Variants in CASD1 observed in about 807,000 individuals in gnomAD.
CASD1 encodes CAS1 domain sialic acid O acetyltransferase 1, also known as N-acetylneuraminate (7)9-O-acetyltransferase.
A neutral mutation model predicts 100.0 loss-of-function variants in CASD1; 41 were observed. That is an observed-to-expected ratio of 0.41 (90% CI 0.32 to 0.53). CASD1 has a LOEUF of 0.53. Among genes scored for constraint, CASD1 ranks in the 20% least tolerant of loss-of-function variants. The pLI, the probability that CASD1 is intolerant of heterozygous loss-of-function variation, is 0.25. For missense variants in CASD1, 774 were observed against 948.7 expected, an observed-to-expected ratio of 0.82 and a Z score of 2.42; for synonymous variants, 321 against 315.6, an observed-to-expected ratio of 1.02 and a Z score of -0.18.
intron 16 of CASD1, chr7:94,553,092 T>G: frequency 2.3e-6 from 1 of 433,742 alleles, no homozygotes; most frequent in Admixed American, 2.7e-5. Flanking sequence ...TAATAACTCA[T>G]TAAATGGTTT....
chr7:94,579,079 G>A, the CASD1 span, among the ~76,000 whole-genome samples: 71 of 151,704 alleles, frequency 4.7e-4, no homozygotes, highest in African/African-American at 1.7e-3. Flanking sequence ...ACTAGACTTC[G>A]TTCATCTTCC....
the CASD1 span, chr7:94,625,773 T>C: frequency 6.6e-6 from 1 of 152,236 alleles, no homozygotes; most frequent in South Asian, 2.1e-4. Flanking sequence ...AAGATTAATA[T>C]ATTCTCTTGC....
the CASD1 span, chr7:94,623,416 C>A: frequency 6.7e-7 from 1 of 1,497,026 alleles, no homozygotes; most frequent in Non-Finnish European, 9.3e-7. Flanking sequence ...AAAGGAAAAC[C>A]ATATTAAAGA....
chr7:94,616,803 T>C, the CASD1 span: 1 of 152,224 alleles, frequency 6.6e-6, no homozygotes, highest in Non-Finnish European at 1.5e-5. Context: ...AGTGTTTGTA[T>C]ACAGACACAC....
At chr7:94,550,883 C>A (rs537323457) in intron 14 of CASD1, among the ~76,000 whole-genome samples, 41 of 152,206 alleles carry the variant, frequency 2.7e-4, no homozygotes, top group African/African-American at 9.9e-4. Context: ...ACTTTCCGGT[C>A]TACCATATTT....
At chr7:94,511,074 T>G (rs1275868532) in intron 1 of CASD1, among the ~76,000 whole-genome samples, 3 of 152,230 alleles carry the variant, frequency 2.0e-5, no homozygotes, top group Non-Finnish European at 4.4e-5. Flanking sequence ...GATATTTACT[T>G]CTCCTTGCTG....
Position 94,533,221 on chromosome 7 carries a change from C to T in CASD1, c.476C>T (p.Pro159Leu). ...TTCCTTTAGGATTCCATTGCAAAGCCACATGTGATTGTAGCAGGAGCTGCC... is the reference window on the plus strand; with the variant it reads ...TTCCTTTAGGATTCCATTGCAAAGCTACATGTGATTGTAGCAGGAGCTGCC... ...KVWTEDSIAK[P>L]HVIVAGAATW... Residue 159 changes from proline to leucine, a missense_variant, in exon 6 of 18, where the codon CCA (proline) becomes CTA (leucine). Coordinates refer to ENST00000297273, the MANE Select transcript of CASD1 (RefSeq NM_022900.5). 1 of 1,608,442 alleles carries T rather than the reference C, an allele frequency of 6.2e-7. No individual in the cohort carries two copies. Among genetic ancestry groups the T allele is most frequent in the Non-Finnish European group, 8.5e-7 (1 of 1,176,502 alleles).
At chr7:94,571,004 T>C in the CASD1 span, among the ~76,000 whole-genome samples, 1 of 152,050 alleles carries the variant, frequency 6.6e-6, no homozygotes, top group African/African-American at 2.4e-5. Flanking sequence ...AGAGAATGCT[T>C]CAGCTTTTCT....
chr7:94,544,586 G>T lies in CASD1; in HGVS notation c.1476+56G>T. The T allele has an allele frequency of 2.6e-6, 4 of 1,553,396 alleles. No individual in the cohort carries two copies. The East Asian group carries it at 9.2e-5, about 36-fold the overall frequency. On this transcript the variant is annotated intron_variant, in intron 11 of 17. Coordinates refer to ENST00000297273, the MANE Select transcript of CASD1 (RefSeq NM_022900.5). Reference sequence around the variant, plus strand: ...CAGTTGAACATACTTTCTTGAGAAAGCATTAACTTGAGAAAAAAATATAAA... The same window carrying T: ...CAGTTGAACATACTTTCTTGAGAAATCATTAACTTGAGAAAAAAATATAAA...
chr7:94,569,802 C>T, the CASD1 span, among the ~76,000 whole-genome samples: 1 of 149,158 alleles, frequency 6.7e-6, no homozygotes, highest in Admixed American at 6.7e-5. Flanking sequence ...TCCATTCTAC[C>T]AATCTCTGAC....
At position 94,537,564 on chromosome 7, in the gene CASD1, A is replaced by G. The variant is rs546769777; in HGVS notation, c.936A>G (p.Ile312Met). The change falls in exon 9 of 18, where the codon ATA becomes ATG. Residue 312 changes from isoleucine to methionine, a missense_variant. By Grantham distance (10) the Ile-to-Met change is conservative (BLOSUM62 1). Coordinates refer to ENST00000297273, the MANE Select transcript of CASD1 (RefSeq NM_022900.5). The part of the protein sequence containing the change: ...CCQPRPPVTL[I>M]QKLAACFFTL... ...AACCTCGGCCTCCTGTTACTCTCAT[A>G]CAGAAGCTAGCTGCTTGTTTTTTCA... 7 of 1,613,958 alleles carry G rather than the reference A, an allele frequency of 4.3e-6. No homozygotes were observed. The East Asian group carries it at 1.1e-4, about 26-fold the overall frequency.
chr7:94,587,105 T>C, the CASD1 span: 2,484 of 984,444 alleles, frequency 2.5e-3, 43 homozygotes, highest in African/African-American at 0.041. Flanking sequence ...AGAAAAATAA[T>C]TTTATAAATT....
the CASD1 span, among the ~76,000 whole-genome samples, chr7:94,564,581 A>G: frequency 9.2e-5 from 14 of 152,270 alleles, no homozygotes; most frequent in African/African-American, 3.4e-4. Flanking sequence ...ACATTCAGGA[A>G]ATGACTGCAG....
In CASD1 at chr7:94,549,537, C is replaced by T; in HGVS notation, c.1718C>T (p.Ala573Val). 1 of 1,603,202 alleles carries T rather than the reference C, an allele frequency of 6.2e-7. No individual in the cohort carries two copies. Among genetic ancestry groups the T allele is most frequent in the Admixed American group, 1.7e-5 (1 of 58,394 alleles). ...FICFLAYSQG[A>V]FEKIFSLWPL... is the part of the protein sequence containing the mutation. The stretch of plus-strand genomic sequence containing the variant: ...TTTCTGGATTCCTTTTTTCAGGGTG[C>T]ATTTGAGAAGATCTTTTCTCTTTGG... The change falls in exon 14 of 18, where the codon GCA (alanine) becomes GTA (valine). Residue 573 changes from alanine to valine, a missense_variant. By Grantham distance (64) the Ala-to-Val change is moderately conservative. This residue lies in a region of CASD1 where 453 missense variants were observed against 532.6 expected (regional missense o/e 0.85). Coordinates refer to ENST00000297273, the MANE Select transcript of CASD1 (RefSeq NM_022900.5).
chr7:94,522,009 G>A (rs559938145), intron 3 of CASD1, among the ~76,000 whole-genome samples: 3 of 152,240 alleles, frequency 2.0e-5, no homozygotes, highest in East Asian at 1.9e-4. Context: ...GCGTGAACAC[G>A]GGAGGCGGAG....
rs1794967381 is a variant in CASD1 at position 94,533,684 on chromosome 7, C to T, written c.510C>T (p.Ser170=). Residue 170 remains serine, a synonymous_variant, in exon 7 of 18, where the codon TCC becomes TCT. Transcript: ENST00000297273. Reference sequence around the variant, plus strand: ...TAATTTGTACTTCTTTTTAGTGGTCCATCAAGATTCACAATGGTAGCAGTG... The same window carrying T: ...TAATTTGTACTTCTTTTTAGTGGTCTATCAAGATTCACAATGGTAGCAGTG... ...HVIVAGAATW[S]IKIHNGSSEA... is the part of the protein sequence containing the mutation. 1 of 1,592,364 alleles carries T rather than the reference C, an allele frequency of 6.3e-7. No homozygotes were observed.
chr7:94,538,586 G>A (rs542088555), intron 9 of CASD1, among the ~76,000 whole-genome samples: 2 of 152,154 alleles, frequency 1.3e-5, no homozygotes, highest in South Asian at 4.1e-4. Flanking sequence ...GGAAGTGTAA[G>A]ATCCTTTTAA....
chr7:94,623,435 G>A, the CASD1 span: 2 of 1,279,420 alleles, frequency 1.6e-6, no homozygotes, highest in Non-Finnish European at 2.3e-6. Flanking sequence ...GAAGTGAAAT[G>A]TTCTTTGTAA....
At chr7:94,539,435 G>A (rs1348005525) in intron 10 of CASD1, among the ~76,000 whole-genome samples, 4 of 152,056 alleles carry the variant, frequency 2.6e-5, no homozygotes, top group African/African-American at 9.7e-5. Context: ...TTCGGAGGCC[G>A]AGGTGGGTGG....
Sources: allele counts gnomAD v4.1 joint callset (sites outside exome capture counted in the v4.1 genomes callset), GRCh38; gene constraint gnomAD v4.1.1; regional missense constraint gnomAD v4.1.1; transcripts MANE v1.5; gene names NCBI Gene and HGNC (gene_info 2026-07-23, HGNC 2026-07-21).